The following GIN1 variants were observed in gnomAD, a reference collection of about 807,000 sequenced individuals.
GIN1 encodes the protein gypsy retrotransposon integrase 1.
GIN1 carries 41 observed loss-of-function variants against 51.4 expected under a neutral mutation model. The observed-to-expected ratio is 0.80, with a 90% CI of 0.62 to 1.04. The LOEUF is 1.04. Among genes scored for constraint, GIN1 ranks in the 50% least tolerant of loss-of-function variants. The pLI is 0.00. For missense variants in GIN1, 610 were observed against 612.4 expected (o/e 1.00, Z 0.04); for synonymous variants, 222 against 206.5 (o/e 1.07, Z -0.64).
intron 2 of GIN1, among the ~76,000 whole-genome samples, chr5:103,108,079 A>T (rs1350018224): frequency 2.0e-5 from 3 of 152,118 alleles, no homozygotes; most frequent in Non-Finnish European, 4.4e-5. Flanking sequence ...ATTCAGGAAG[A>T]TCCAAGGGTC....
At chr5:103,116,590 A>T (rs1192066825) in intron 1 of GIN1, among the ~76,000 whole-genome samples, 1 of 152,142 alleles carries the variant, frequency 6.6e-6, no homozygotes, top group Non-Finnish European at 1.5e-5. Context: ...GCAAAGAAAA[A>T]GCAGCTATGC....
intron 1 of GIN1, among the ~76,000 whole-genome samples, chr5:103,109,561 G>C (rs151168836): frequency 1.7e-3 from 259 of 152,116 alleles, no homozygotes; most frequent in Admixed American, 3.7e-3. Context: ...GAGAGTAACA[G>C]TACATTTCTT....
At chr5:103,093,171 A>C in intron 7 of GIN1, among the ~76,000 whole-genome samples, 1 of 152,156 alleles carries the variant, frequency 6.6e-6, no homozygotes, top group Non-Finnish European at 1.5e-5. Context: ...GGATCCTGTG[A>C]ATATGTAATC....
At position 103,097,766 on chromosome 5, in the gene GIN1, A is replaced by T. The variant is rs1554195312; in HGVS notation, c.655T>A (p.Tyr219Asn). Reference sequence around the variant, plus strand: ...ATTTGCTTTATGCCAAACAATCTGTACAGTTCAATATTGATCTGAAAAATA... The same window carrying T: ...ATTTGCTTTATGCCAAACAATCTGTTCAGTTCAATATTGATCTGAAAAATA... ...EFIQQINIELYRLFGIKQIVI... is the reference protein window; with the variant it reads ...EFIQQINIELNRLFGIKQIVI... Residue 219 changes from tyrosine to asparagine, a missense_variant, in exon 5 of 8, where the codon TAC becomes AAC. By Grantham distance (143) the Tyr-to-Asn change is moderately radical (BLOSUM62 -2). Transcript: ENST00000399004. 2 of 1,512,270 alleles carry T rather than the reference A, an allele frequency of 1.3e-6. No homozygotes were observed. Among genetic ancestry groups the T allele is most frequent in the South Asian group, 2.3e-5 (2 of 88,642 alleles). 93.7% of individuals were successfully genotyped at this position (1,512,270 alleles called of 1,614,324 possible).
chr5:103,109,756 T>C (rs1399364867), intron 1 of GIN1, among the ~76,000 whole-genome samples: 2 of 152,136 alleles, frequency 1.3e-5, no homozygotes, highest in Admixed American at 1.3e-4. Context: ...CATCTTCTAA[T>C]AGATGGCTGC....
rs563423434 is a variant in GIN1, at chr5:103,088,636, T to C, written c.1295-464A>G. Among the ~76,000 whole-genome samples, 144 of 152,140 alleles carry C rather than the reference T, an allele frequency of 9.5e-4. 1 individual carries two copies. The highest frequency in any genetic ancestry group is 3.4e-3 in the African/African-American group (142 of 41,534). On this transcript the variant is annotated intron_variant, in intron 7 of 7. Coordinates refer to ENST00000399004, the MANE Select transcript of GIN1 (RefSeq NM_017676.2). ...GGCGAAACCCCTTCTCTACAAAAAATACAAACAATTAGCAAGGTGTGGTTA... is the reference window on the plus strand; with the variant it reads ...GGCGAAACCCCTTCTCTACAAAAAACACAAACAATTAGCAAGGTGTGGTTA...
rs1324483397 is a variant in GIN1, at chr5:103,097,236, T to C, written c.1008+78A>G. 47 of 826,820 alleles carry C rather than the reference T, an allele frequency of 5.7e-5. No individual in the cohort carries two copies. The Admixed American group carries it at 1.1e-3, about 19-fold the overall frequency. 51.2% of individuals were successfully genotyped at this position (826,820 alleles called of 1,614,324 possible). ...ATGTGTGTGTGTGTGCATGCACACA[T>C]GTATATGCTGAAATTTTAAAAATAA... On this transcript the variant is annotated intron_variant, in intron 6 of 7. Coordinates refer to ENST00000399004, the MANE Select transcript of GIN1 (RefSeq NM_017676.2).
chr5:103,101,583 C>A (rs1490333703), intron 4 of GIN1, among the ~76,000 whole-genome samples: 2 of 152,092 alleles, frequency 1.3e-5, no homozygotes, highest in African/African-American at 4.8e-5. Flanking sequence ...TGGGTGTTTG[C>A]CTTTTAGTAT....
At chr5:103,103,276 C>A (rs1554195953) in intron 4 of GIN1, among the ~76,000 whole-genome samples, 1 of 152,232 alleles carries the variant, frequency 6.6e-6, no homozygotes, top group Non-Finnish European at 1.5e-5. Flanking sequence ...AGGAATTAAA[C>A]ACGTCCTGTG....
chr5:103,117,043 T>A (rs184328856), intron 1 of GIN1, among the ~76,000 whole-genome samples: 30 of 152,212 alleles, frequency 2.0e-4, no homozygotes, highest in Non-Finnish European at 4.1e-4. Flanking sequence ...ATACCAATCT[T>A]AGATACTAAC....
At chr5:103,101,932 ATCAAGGCAGGCAAGACTACCTTGCCT>A (rs1787586467) in intron 4 of GIN1, among the ~76,000 whole-genome samples, 1 of 152,208 alleles carries the variant, frequency 6.6e-6, no homozygotes, top group Admixed American at 6.5e-5. Context: ...TGCTATGTCA[ATCAAGGCAGGCAAGACTACCTTGCCT>A]TCATTTACAA....
intron 1 of GIN1, among the ~76,000 whole-genome samples, chr5:103,113,646 C>T (rs1347768002): frequency 6.6e-6 from 1 of 151,860 alleles, no homozygotes; most frequent in African/African-American, 2.4e-5. Context: ...CTCAGCCTCT[C>T]GAGTAACTGG....
chr5:103,112,229 A>G (rs1787908835), intron 1 of GIN1, among the ~76,000 whole-genome samples: 1 of 152,180 alleles, frequency 6.6e-6, no homozygotes, highest in East Asian at 1.9e-4. Flanking sequence ...CATAAAAACC[A>G]TCTATTTCCT....
chr5:103,115,727 G>T (rs761957062), intron 1 of GIN1, among the ~76,000 whole-genome samples: 25 of 150,986 alleles, frequency 1.7e-4, no homozygotes, highest in Non-Finnish European at 2.4e-4. Flanking sequence ...TTTTTTTTTT[G>T]AACAAGATTG....
chr5:103,087,702 C>T lies in GIN1; in HGVS notation c.*196G>A. On this transcript the variant is annotated 3_prime_UTR_variant, in exon 8 of 8. Transcript: ENST00000399004. The stretch of plus-strand genomic sequence containing the variant: ...AAAAGTGAATTCTATATATTACATG[C>T]TTCCTTTGCCTTCATATGTACGTAT... The T allele has an allele frequency of 2.7e-6, 1 of 366,814 alleles. No individual in the cohort carries two copies. The highest frequency in any genetic ancestry group is 4.8e-6 in the Non-Finnish European group (1 of 207,988). The allele number at this position is 366,814 out of a possible 1,614,324, so 22.7% of individuals were successfully genotyped here.
chr5:103,104,099 G>A (rs997784118), intron 4 of GIN1, among the ~76,000 whole-genome samples: 20 of 152,070 alleles, frequency 1.3e-4, no homozygotes, highest in Admixed American at 8.5e-4. Context: ...GATTACAGGC[G>A]CCCACCACCA....
chr5:103,101,743 C>G (rs1278822474), intron 4 of GIN1, among the ~76,000 whole-genome samples: 1 of 152,216 alleles, frequency 6.6e-6, no homozygotes, highest in Non-Finnish European at 1.5e-5. Context: ...TTCAGGATAC[C>G]TTCACATAGC....
At position 103,087,939 on chromosome 5, in the gene GIN1, G is replaced by A. The variant is rs1554194079; in HGVS notation, c.1528C>T (p.Leu510=). ...AGAACCTGGTTTGAAGAGTCCAACA[G>A]ACTGAAAGTCTGCTTTTCAAGAGAA... ...HSSLEKQTFS[L]LDSSNQVLEY... The change falls in exon 8 of 8, where the codon CTG becomes TTG. Residue 510 remains leucine, a synonymous_variant. Transcript: ENST00000399004. 6.3e-7 allele frequency: 1 copy of A among 1,591,168 alleles called. No homozygotes were observed. Among genetic ancestry groups the A allele is most frequent in the African/African-American group, 1.3e-5 (1 of 74,422 alleles).
In GIN1 at chr5:103,109,861, TAAGAC is replaced by T. The variant is rs200057388; in HGVS notation, c.-7-1152_-7-1148del. Reference sequence around the variant, plus strand: ...AGACTTTTTATACAAATAAAGTAAATAAGACAAGCCAATTGGCATAAGGACAGACA... The same window carrying T: ...AGACTTTTTATACAAATAAAGTAAATAAGCCAATTGGCATAAGGACAGACA... On this transcript the variant is annotated intron_variant, in intron 1 of 7. Coordinates refer to ENST00000399004, the MANE Select transcript of GIN1 (RefSeq NM_017676.2). 9.9e-5 allele frequency among the ~76,000 whole-genome samples: 15 copies of T among 152,054 alleles called. No homozygotes were observed. The East Asian group carries it at 2.9e-3, about 29-fold the overall frequency.
Sources: gnomAD v4.1 joint callset for allele counts (sites outside exome capture counted in the v4.1 genomes callset) on GRCh38, gnomAD v4.1.1 for gene constraint, MANE v1.5 for transcripts, NCBI Gene and HGNC (gene_info 2026-07-23, HGNC 2026-07-21) for gene names.